Variants in MMP8 observed in about 807,000 individuals in gnomAD.
MMP8 encodes the protein neutrophil collagenase.
MMP8 carries 67 observed loss-of-function variants against 51.2 expected under a neutral mutation model. That is an observed-to-expected ratio of 1.31 (90% CI 1.08 to 1.60). The LOEUF is 1.60. MMP8 is among the 40% of genes most tolerant of loss of function. The pLI, the probability that MMP8 is intolerant of heterozygous loss-of-function variation, is 0.00. For synonymous variants in MMP8, 225 were observed against 191.0 expected (o/e 1.18, Z -1.47); for missense variants, 654 against 558.1 (o/e 1.17, Z -1.73).
chr11:102,721,763 C>T lies in MMP8; in HGVS notation c.348-1G>A. 1 of 1,613,314 alleles carries T rather than the reference C, an allele frequency of 6.2e-7. No homozygotes were observed. The highest frequency in any genetic ancestry group is 1.1e-5 in the South Asian group (1 of 91,026). ...CAGCTGTGGGGTATAGTTTCGAATCCTTCAAAATGAGAGGATGTATGAAGA... is the reference window on the plus strand; with the variant it reads ...CAGCTGTGGGGTATAGTTTCGAATCTTTCAAAATGAGAGGATGTATGAAGA... On this transcript the variant is annotated splice_acceptor_variant, in intron 2 of 9. Coordinates refer to ENST00000236826, the MANE Select transcript of MMP8 (RefSeq NM_002424.3). LOFTEE classifies it high-confidence loss of function.
chr11:102,715,954 G>T (rs1861280251), intron 6 of MMP8, among the ~76,000 whole-genome samples: 1 of 152,176 alleles, frequency 6.6e-6, no homozygotes, highest in East Asian at 1.9e-4. Flanking sequence ...TTCCCAAGCA[G>T]CTGTAGCCCA....
rs912110810 is a variant in MMP8 at position 102,721,733 on chromosome 11, T to G, written c.377A>C (p.Glu126Ala). 14 of 1,613,668 alleles carry G rather than the reference T, an allele frequency of 8.7e-6. No individual in the cohort carries two copies. The highest frequency in any genetic ancestry group is 1.2e-5 in the Non-Finnish European group (14 of 1,179,808). Reference sequence around the variant, plus strand: ...CTTGATAGCTCTTTCTACCTCAGCCTCTGACAGCTGTGGGGTATAGTTTCG... The same window carrying G: ...CTTGATAGCTCTTTCTACCTCAGCCGCTGACAGCTGTGGGGTATAGTTTCG... ...RIRNYTPQLS[E>A]AEVERAIKDA... Residue 126 changes from glutamate to alanine, a missense_variant, in exon 3 of 10, where the codon GAG (glutamate) becomes GCG (alanine). Coordinates refer to ENST00000236826, the MANE Select transcript of MMP8 (RefSeq NM_002424.3).
rs769733133 is a variant in MMP8, at chr11:102,713,425, A to G, written c.1327T>C (p.Tyr443His). 6.2e-7 allele frequency: 1 copy of G among 1,613,494 alleles called. No individual in the cohort carries two copies. The highest frequency in any genetic ancestry group is 1.1e-5 in the South Asian group (1 of 91,058). The change falls in exon 10 of 10, where the codon TAC becomes CAC. Residue 443 changes from tyrosine (Y) to histidine (H), a missense_variant. Coordinates refer to ENST00000236826, the MANE Select transcript of MMP8 (RefSeq NM_002424.3). ...FFHVFSGPRY[Y>H]AFDLIAQRVT... is the part of the protein sequence containing the mutation. The stretch of plus-strand genomic sequence containing the variant: ...CTCTGAGCAATAAGATCAAATGCGT[A>G]ATATCTTGGTCCACTGAAGACATGG...
intron 4 of MMP8, among the ~76,000 whole-genome samples, chr11:102,720,553 T>C (rs893443942): frequency 1.3e-5 from 2 of 152,242 alleles, no homozygotes; most frequent in African/African-American, 4.8e-5. Flanking sequence ...GGTGCCTTTC[T>C]GATTATTTTC....
rs1861170619 is a variant in MMP8 at position 102,713,062 on chromosome 11, T to C, written c.*286A>G. On this transcript the variant is annotated 3_prime_UTR_variant, in exon 10 of 10. Transcript: ENST00000236826. ...ATAACAATAAATCCTAGAAGTCAGA[T>C]ATGTAAGTATTGAAATAGTAAATAT... 1 of 266,390 alleles carries C rather than the reference T, an allele frequency of 3.8e-6. No homozygotes were observed. 16.5% of individuals were successfully genotyped at this position (266,390 alleles called of 1,614,324 possible).
intron 4 of MMP8, among the ~76,000 whole-genome samples, chr11:102,718,845 C>T (rs1435762214): frequency 6.6e-6 from 1 of 152,200 alleles, no homozygotes; most frequent in Non-Finnish European, 1.5e-5. Flanking sequence ...TCACATTTTA[C>T]AAATGTGCAT....
chr11:102,723,731 T>C (rs950887870), intron 1 of MMP8: 5 of 299,348 alleles, frequency 1.7e-5, no homozygotes, highest in Non-Finnish European at 3.3e-5. Flanking sequence ...TCTTTCTTAA[T>C]GACCTAAGTA....
chr11:102,717,810 A>G (rs1208075315), intron 5 of MMP8, among the ~76,000 whole-genome samples: 1 of 152,196 alleles, frequency 6.6e-6, no homozygotes, highest in Non-Finnish European at 1.5e-5. Flanking sequence ...GTCTTTTTAG[A>G]ATATTTAAAA....
intron 5 of MMP8, 71 bp downstream of exon 5, chr11:102,718,343 T>C: frequency 1.4e-6 from 2 of 1,450,356 alleles, no homozygotes; most frequent in Non-Finnish European, 9.4e-7. Context: ...GGAAGAGATA[T>C]TCAGATTCTG....
At chr11:102,714,473 A>G (rs758443970) in intron 8 of MMP8, 83 bp downstream of exon 8, 12 of 971,714 alleles carry the variant, frequency 1.2e-5, no homozygotes, top group Non-Finnish European at 1.7e-5. Flanking sequence ...AGATTGTTTT[A>G]AACCTTGAAA....
rs370261569 is a variant in MMP8, at chr11:102,721,782, A to G, written c.348-20T>C. ...CGAATCCTTCAAAATGAGAGGATGTATGAAGAGTTAAATGTTATTTAGAAC... is the reference window on the plus strand; with the variant it reads ...CGAATCCTTCAAAATGAGAGGATGTGTGAAGAGTTAAATGTTATTTAGAAC... On this transcript the variant is annotated intron_variant, in intron 2 of 9. Transcript: ENST00000236826. The G allele has an allele frequency of 2.0e-5, 32 of 1,612,442 alleles. No individual in the cohort carries two copies. Among genetic ancestry groups the G allele is most frequent in the Non-Finnish European group, 2.5e-5 (30 of 1,179,106 alleles).
intron 4 of MMP8, among the ~76,000 whole-genome samples, chr11:102,720,986 G>C (rs1021850536): frequency 3.9e-5 from 6 of 152,170 alleles, no homozygotes; most frequent in Non-Finnish European, 7.4e-5. Flanking sequence ...TAAAGAACCA[G>C]ATAGCAAATA....
Position 102,724,011 on chromosome 11 carries a change from G to T in MMP8, c.102+743C>A, listed in dbSNP as rs949620240. 6 of 210,364 alleles carry T rather than the reference G, an allele frequency of 2.9e-5. No homozygotes were observed. In the South Asian group the frequency reaches 3.6e-4, roughly 13 times the overall value. The allele number at this position is 210,364 out of a possible 1,614,324, so 13.0% of individuals were successfully genotyped here. A position where few individuals can be genotyped will look rare whatever the true frequency, so the allele number is the denominator to read the frequency against. ...GGATTAAATGAGATATTTGTGAAAT[G>T]TGTAGCAGTTGCCTTGCATAGAATA... On this transcript the variant is annotated intron_variant, in intron 1 of 9. Coordinates refer to ENST00000236826, the MANE Select transcript of MMP8 (RefSeq NM_002424.3).
chr11:102,724,250 A>T (rs1861553922), intron 1 of MMP8, among the ~76,000 whole-genome samples: 1 of 152,342 alleles, frequency 6.6e-6, no homozygotes, highest in Non-Finnish European at 1.5e-5. Context: ...TGCTTCCAAG[A>T]GTTTATAAAC....
intron 6 of MMP8, among the ~76,000 whole-genome samples, chr11:102,715,828 A>C (rs1861275092): frequency 6.6e-6 from 1 of 152,220 alleles, no homozygotes; most frequent in Admixed American, 6.5e-5. Context: ...GCCAATGGAC[A>C]AATAAAAATT....
chr11:102,722,449 T>C lies in MMP8; in HGVS notation c.327A>G (p.Glu109=), dbSNP rs1861500365. 1 of 1,613,634 alleles carries C rather than the reference T, an allele frequency of 6.2e-7. No individual in the cohort carries two copies. The change falls in exon 2 of 10, where the codon GAA becomes GAG. Residue 109 remains glutamate (E), a synonymous_variant. Transcript: ENST00000236826. ...ATCACCTGTAGGTCAAGTTAGTGCG[T>C]TCCCACTTGGGGTTTCCTGGGGTTA... The part of the protein sequence containing the change: ...FMLTPGNPKW[E]RTNLTYRIRN...
chr11:102,718,667 T>G, intron 4 of MMP8, 92 bp from the exon 5 acceptor site: 1 of 1,439,498 alleles, frequency 6.9e-7, no homozygotes, highest in South Asian at 1.2e-5. Context: ...AAGTCAAAAC[T>G]GCTCAGGGAA....
At chr11:102,719,450 C>A (rs1032935131) in intron 4 of MMP8, among the ~76,000 whole-genome samples, 15 of 149,336 alleles carry the variant, frequency 1.0e-4, no homozygotes, top group African/African-American at 3.6e-4. Flanking sequence ...TAATGTTATG[C>A]AATCCTCATA....
chr11:102,721,827 AGTT>A, intron 2 of MMP8, 65 bp from the exon 3 acceptor site: 6 of 1,565,296 alleles, frequency 3.8e-6, no homozygotes, highest in Non-Finnish European at 5.2e-6. Context: ...TCAACTGATG[AGTT>A]GTTCTGTTTT....
Sources: allele counts gnomAD v4.1 joint callset (sites outside exome capture counted in the v4.1 genomes callset), GRCh38; gene constraint gnomAD v4.1.1; transcripts MANE v1.5; gene names NCBI Gene and HGNC (gene_info 2026-07-23, HGNC 2026-07-21).